Variants in SPIDR observed in about 807,000 individuals in gnomAD.
SPIDR encodes DNA repair-scaffolding protein.
A neutral mutation model predicts 104.6 loss-of-function variants in SPIDR; 93 were observed. The observed-to-expected ratio is 0.89, with a 90% CI of 0.75 to 1.06. SPIDR has a LOEUF of 1.06. Among genes scored for constraint, SPIDR ranks in the 50% least tolerant of loss-of-function variants. The pLI is 0.00. For synonymous variants in SPIDR, 431 were observed against 416.9 expected (o/e 1.03, Z -0.41); for missense variants, 1,154 against 1,111.2 (o/e 1.04, Z -0.55).
intron 7 of SPIDR, among the ~76,000 whole-genome samples, chr8:47,418,105 G>A (rs1452380838): frequency 1.3e-5 from 2 of 152,080 alleles, no homozygotes; most frequent in Non-Finnish European, 2.9e-5. Flanking sequence ...CTGGCAATGC[G>A]GGCTCTTTTT....
intron 8 of SPIDR, among the ~76,000 whole-genome samples, chr8:47,462,789 T>A (rs1217838578): frequency 6.6e-6 from 1 of 152,096 alleles, no homozygotes; most frequent in Non-Finnish European, 1.5e-5. Flanking sequence ...AGACATCACA[T>A]CTTTGCAGAA....
intron 5 of SPIDR, among the ~76,000 whole-genome samples, chr8:47,372,087 A>C (rs184676528): frequency 5.8e-4 from 88 of 152,056 alleles, no homozygotes; most frequent in African/African-American, 2.0e-3. Context: ...TTCCCCATCA[A>C]CTTCCATGCC....
chr8:47,340,877 C>G (rs1333423077), intron 5 of SPIDR, among the ~76,000 whole-genome samples: 1 of 152,186 alleles, frequency 6.6e-6, no homozygotes, highest in Non-Finnish European at 1.5e-5. Context: ...GGCTCCACAT[C>G]ATGGAGTTAG....
chr8:47,670,173 C>T (rs1013947305), intron 10 of SPIDR, among the ~76,000 whole-genome samples: 1 of 152,084 alleles, frequency 6.6e-6, no homozygotes, highest in East Asian at 1.9e-4. Flanking sequence ...GGTCCTACCT[C>T]CAGTTCCCCT....
At chr8:47,717,584 G>A (rs2154490728) in intron 16 of SPIDR, among the ~76,000 whole-genome samples, 1 of 152,230 alleles carries the variant, frequency 6.6e-6, no homozygotes, top group East Asian at 1.9e-4. Context: ...CCTGCCTGTT[G>A]GTACACTGAG....
At chr8:47,312,466 G>A (rs2044385867) in intron 5 of SPIDR, among the ~76,000 whole-genome samples, 1 of 152,146 alleles carries the variant, frequency 6.6e-6, no homozygotes, top group Non-Finnish European at 1.5e-5. Flanking sequence ...TTCTCTGATG[G>A]CCAGTGATGG....
intron 7 of SPIDR, among the ~76,000 whole-genome samples, chr8:47,425,803 A>G (rs543879676): frequency 1.3e-5 from 2 of 152,262 alleles, no homozygotes; most frequent in South Asian, 4.1e-4. Flanking sequence ...GTGGGACAAA[A>G]TTTTGGTTTA....
chr8:47,283,758 C>CA (rs2038272342), intron 2 of SPIDR, among the ~76,000 whole-genome samples: 1 of 152,056 alleles, frequency 6.6e-6, no homozygotes, highest in Non-Finnish European at 1.5e-5. Context: ...ACCTCATAGG[C>CA]AGTTGGAGTC....
Position 47,639,940 on chromosome 8 carries a change from A to G in SPIDR, c.1545-33861A>G, listed in dbSNP as rs866437809. Among the ~76,000 whole-genome samples the G allele has an allele frequency of 6.2e-4, 95 of 152,156 alleles. No individual in the cohort carries two copies. In the Middle Eastern group the frequency reaches 0.01, roughly 16 times the overall value. On this transcript the variant is annotated intron_variant, in intron 10 of 19. Transcript: ENST00000297423. ...CCAGCCTGGGTGACAAAAAAAAAAA[A>G]AGAGAGATTTATTAATGGATTTTAA...
chr8:47,586,299 T>G (rs1178568178), intron 8 of SPIDR, among the ~76,000 whole-genome samples: 4 of 151,962 alleles, frequency 2.6e-5, no homozygotes, highest in Non-Finnish European at 5.9e-5. Context: ...TTTTGTGGGG[T>G]TTTTTTTCCA....
At chr8:47,531,556 T>C (rs1160269304) in intron 8 of SPIDR, among the ~76,000 whole-genome samples, 1 of 152,212 alleles carries the variant, frequency 6.6e-6, no homozygotes, top group Non-Finnish European at 1.5e-5. Flanking sequence ...CTGGGGTTTG[T>C]GTTTTCAGAA....
intron 11 of SPIDR, among the ~76,000 whole-genome samples, chr8:47,694,394 G>T (rs992058357): frequency 1.3e-5 from 2 of 152,162 alleles, no homozygotes; most frequent in Non-Finnish European, 2.9e-5. Flanking sequence ...GCAGGAAAGG[G>T]AGACAGACTG....
intron 5 of SPIDR, among the ~76,000 whole-genome samples, chr8:47,335,437 G>GT (rs567328327): frequency 5.2e-4 from 79 of 151,992 alleles, no homozygotes; most frequent in African/African-American, 1.8e-3. Context: ...TGTTTATGTG[G>GT]TTTTTTGTTT....
At chr8:47,670,264 C>G (rs910907789) in intron 10 of SPIDR, among the ~76,000 whole-genome samples, 2 of 151,906 alleles carry the variant, frequency 1.3e-5, no homozygotes, top group Admixed American at 6.6e-5. Flanking sequence ...GAGGAGTTAA[C>G]TAGGAGGTAA....
At chr8:47,561,391 T>A (rs976644702) in intron 8 of SPIDR, among the ~76,000 whole-genome samples, 2 of 152,188 alleles carry the variant, frequency 1.3e-5, no homozygotes, top group African/African-American at 4.8e-5. Flanking sequence ...CTGAACTGTG[T>A]CCCCTTAAGC....
intron 3 of SPIDR, among the ~76,000 whole-genome samples, chr8:47,289,579 A>G (rs2039522523): frequency 6.6e-6 from 1 of 152,192 alleles, no homozygotes; most frequent in Non-Finnish European, 1.5e-5. Flanking sequence ...TCCACCTATC[A>G]GAATGGCTAC....
chr8:47,693,098 G>A (rs1473769512), intron 11 of SPIDR, among the ~76,000 whole-genome samples: 1 of 152,160 alleles, frequency 6.6e-6, no homozygotes, highest in Non-Finnish European at 1.5e-5. Context: ...GATCTCTTGG[G>A]CTATTTGTTG....
intron 2 of SPIDR, among the ~76,000 whole-genome samples, chr8:47,282,899 G>A (rs898417626): frequency 1.3e-5 from 2 of 150,822 alleles, no homozygotes; most frequent in Admixed American, 6.6e-5. Flanking sequence ...TCTGTCGCTC[G>A]GGGTGGAGTG....
chr8:47,478,074 G>A (rs142609335), intron 8 of SPIDR, among the ~76,000 whole-genome samples: 12 of 152,344 alleles, frequency 7.9e-5, no homozygotes, highest in Non-Finnish European at 1.2e-4. Context: ...CACCCAGGGC[G>A]TGAAGGGCTG....
Sources: gnomAD v4.1 joint callset for allele counts (sites outside exome capture counted in the v4.1 genomes callset) on GRCh38, gnomAD v4.1.1 for gene constraint, MANE v1.5 for transcripts, NCBI Gene and HGNC (gene_info 2026-07-23, HGNC 2026-07-21) for gene names.